Variants in KCTD16 observed in about 807,000 individuals in gnomAD.
The protein encoded by KCTD16 is potassium channel tetramerization domain containing 16.
KCTD16 carries 13 observed loss-of-function variants against 33.2 expected under a neutral mutation model. The ratio of observed to expected loss-of-function variants is 0.39; its 90% CI spans 0.25 to 0.62. The LOEUF is 0.62. Ranked by LOEUF, KCTD16 falls within the 20% of genes least tolerant of loss-of-function variation. KCTD16 has a pLI of 0.50. For missense variants in KCTD16, 441 were observed against 525.1 expected (o/e 0.84, Z 1.57); for synonymous variants, 197 against 195.3 (o/e 1.01, Z -0.07).
chr5:144,353,259 C>A (rs1270757058), intron 3 of KCTD16, among the ~76,000 whole-genome samples: 1 of 152,246 alleles, frequency 6.6e-6, no homozygotes. Context: ...GCTGCTCATT[C>A]TTCTGTGTGG....
chr5:144,409,643 G>C (rs1037353094), intron 3 of KCTD16, among the ~76,000 whole-genome samples: 4 of 152,090 alleles, frequency 2.6e-5, no homozygotes, highest in African/African-American at 9.6e-5. Context: ...CAGATCACCC[G>C]AGGTCAGGGT....
At chr5:144,371,944 A>G (rs56191307) in intron 3 of KCTD16, among the ~76,000 whole-genome samples, 7,200 of 152,024 alleles carry the variant, frequency 0.047, 338 homozygotes, top group African/African-American at 0.12. Context: ...GCTCTGTTTA[A>G]CCACACCCCT....
chr5:144,367,836 T>G (rs1751873610), intron 3 of KCTD16, among the ~76,000 whole-genome samples: 1 of 149,706 alleles, frequency 6.7e-6, no homozygotes, highest in African/African-American at 2.5e-5. Flanking sequence ...GCCCCAGTGT[T>G]TATTGTTTCC....
At chr5:144,448,027 C>T (rs1426547433) in intron 3 of KCTD16, among the ~76,000 whole-genome samples, 1 of 151,534 alleles carries the variant, frequency 6.6e-6, no homozygotes, top group Non-Finnish European at 1.5e-5. Flanking sequence ...ACAATCTGAT[C>T]TGGCTCTTTT....
chr5:144,277,015 G>A (rs1193306385), intron 3 of KCTD16, among the ~76,000 whole-genome samples: 5 of 152,100 alleles, frequency 3.3e-5, no homozygotes, highest in African/African-American at 1.2e-4. Flanking sequence ...CAATGTAAAT[G>A]ACAAGGTGTG....
chr5:144,422,923 G>A (rs945543172), intron 3 of KCTD16, among the ~76,000 whole-genome samples: 1 of 152,100 alleles, frequency 6.6e-6, no homozygotes, highest in Non-Finnish European at 1.5e-5. Flanking sequence ...CATCTACAGG[G>A]GGAGGACCAA....
At chr5:144,214,023 T>C (rs981218382) in intron 3 of KCTD16, among the ~76,000 whole-genome samples, 1 of 152,100 alleles carries the variant, frequency 6.6e-6, no homozygotes, top group East Asian at 1.9e-4. Context: ...TACATTTGAG[T>C]ATCTTTGTAT....
chr5:144,315,297 A>G (rs1170791206), intron 3 of KCTD16, among the ~76,000 whole-genome samples: 1 of 152,116 alleles, frequency 6.6e-6, no homozygotes, highest in African/African-American at 2.4e-5. Context: ...CGGTGTATAA[A>G]CAACAAATTT....
chr5:144,393,885 GCTCT>G (rs1752505302), intron 3 of KCTD16, among the ~76,000 whole-genome samples: 2 of 151,420 alleles, frequency 1.3e-5, no homozygotes, highest in Non-Finnish European at 2.9e-5. Context: ...TTTGTTTAAA[GCTCT>G]CTAACAGGCT....
At chr5:144,452,469 A>G (rs1397911055) in intron 3 of KCTD16, among the ~76,000 whole-genome samples, 1 of 151,980 alleles carries the variant, frequency 6.6e-6, no homozygotes, top group Non-Finnish European at 1.5e-5. Flanking sequence ...TGAGAGAGAG[A>G]GAAGTGGATT....
intron 3 of KCTD16, 74 bp from the exon 4 acceptor site, chr5:144,473,586 T>C: frequency 7.6e-7 from 1 of 1,308,346 alleles, no homozygotes; most frequent in Non-Finnish European, 1.1e-6. Context: ...TTTCTGTGTA[T>C]GTCCAAGTGC....
chr5:144,403,572 G>C (rs1752751167), intron 3 of KCTD16, among the ~76,000 whole-genome samples: 2 of 152,186 alleles, frequency 1.3e-5, no homozygotes. Flanking sequence ...CTGCCAAGAA[G>C]GAACCACCCT....
chr5:144,422,001 T>C (rs1324429713), intron 3 of KCTD16, among the ~76,000 whole-genome samples: 3 of 152,156 alleles, frequency 2.0e-5, no homozygotes, highest in East Asian at 3.9e-4. Context: ...AGAACTTTAA[T>C]AAAAAACTTG....
chr5:144,289,045 CAAG>C (rs1755825783), intron 3 of KCTD16, among the ~76,000 whole-genome samples: 1 of 151,446 alleles, frequency 6.6e-6, no homozygotes, highest in Non-Finnish European at 1.5e-5. Flanking sequence ...AACAAAAAAA[CAAG>C]CAAGCAAGCA....
chr5:144,366,186 G>C (rs1020382323), intron 3 of KCTD16, among the ~76,000 whole-genome samples: 1 of 152,168 alleles, frequency 6.6e-6, no homozygotes, highest in Non-Finnish European at 1.5e-5. Context: ...TATGGTTGCT[G>C]TTAGTCATCA....
rs149438325 is a variant in KCTD16, at chr5:144,390,556, C to A, written c.833-83104C>A. Among the ~76,000 whole-genome samples, 167 of 151,576 alleles carry A rather than the reference C, an allele frequency of 1.1e-3. 1 individual carries two copies. The highest frequency in any genetic ancestry group is 3.8e-3 in the African/African-American group (156 of 41,302). ...TTTTTTTATTATTATCCTTTAAGTT[C>A]TGGGATACATGTGCAGAACATGCAG... On this transcript the variant is annotated intron_variant, in intron 3 of 3. Coordinates refer to ENST00000512467, the MANE Select transcript of KCTD16 (RefSeq NM_020768.4).
At chr5:144,248,961 C>T (rs1754624108) in intron 3 of KCTD16, among the ~76,000 whole-genome samples, 2 of 152,134 alleles carry the variant, frequency 1.3e-5, no homozygotes, top group African/African-American at 4.8e-5. Flanking sequence ...GACTCTGCCT[C>T]TTTACTTGGT....
In KCTD16 at chr5:144,476,101, A is replaced by G. The variant is rs1194162715; in HGVS notation, c.*1987A>G. 6.6e-6 allele frequency: 1 copy of G among 152,208 alleles called. No individual in the cohort carries two copies. Among genetic ancestry groups the G allele is most frequent in the South Asian group, 2.1e-4 (1 of 4,830 alleles). 9.4% of individuals were successfully genotyped at this position (152,208 alleles called of 1,614,324 possible). ...TACCAGTATGTCTTGATTCTTTTCAATGTTTCTTGATAGCACATGGCAATA... is the reference window on the plus strand; with the variant it reads ...TACCAGTATGTCTTGATTCTTTTCAGTGTTTCTTGATAGCACATGGCAATA... On this transcript the variant is annotated 3_prime_UTR_variant, in exon 4 of 4. Coordinates refer to ENST00000512467, the MANE Select transcript of KCTD16 (RefSeq NM_020768.4).
At chr5:144,278,216 C>CT (rs368734256) in intron 3 of KCTD16, among the ~76,000 whole-genome samples, 2 of 151,804 alleles carry the variant, frequency 1.3e-5, no homozygotes, top group Non-Finnish European at 1.5e-5. Context: ...GAGGTGGAAA[C>CT]TTTTTTTGTA....
Sources: gnomAD v4.1 joint callset for allele counts (sites outside exome capture counted in the v4.1 genomes callset) on GRCh38, gnomAD v4.1.1 for gene constraint, MANE v1.5 for transcripts, NCBI Gene and HGNC (gene_info 2026-07-23, HGNC 2026-07-21) for gene names.